NUP155: variants seen among roughly 807,000 people sequenced by gnomAD.
NUP155 encodes nuclear pore complex protein Nup155.
In NUP155, 71 loss-of-function variants were observed where a neutral mutation model predicts 180.4. That is an observed-to-expected ratio of 0.39 (90% CI 0.33 to 0.48). The LOEUF (loss-of-function observed/expected upper bound fraction) is 0.48. Ranked by LOEUF, NUP155 falls within the 20% of genes least tolerant of loss-of-function variation. The pLI is 0.91. For synonymous variants in NUP155, 582 were observed against 559.5 expected (o/e 1.04, Z -0.57); for missense variants, 1,553 against 1,648.9 (o/e 0.94, Z 1.01).
chr5:37,302,436 A>G (rs1742915139), intron 29 of NUP155, among the ~76,000 whole-genome samples: 1 of 152,150 alleles, frequency 6.6e-6, no homozygotes, highest in African/African-American at 2.4e-5. Flanking sequence ...AGGTTTCGCC[A>G]TATTGGCCAG....
intron 3 of NUP155, among the ~76,000 whole-genome samples, chr5:37,358,380 G>C (rs1331652972): frequency 6.6e-6 from 1 of 151,998 alleles, no homozygotes; most frequent in Non-Finnish European, 1.5e-5. Context: ...GATCGCAAAG[G>C]CCTGGGAGGT....
intron 9 of NUP155, among the ~76,000 whole-genome samples, chr5:37,346,675 AAC>A (rs1243377103): frequency 2.0e-5 from 3 of 151,568 alleles, no homozygotes; most frequent in African/African-American, 7.3e-5. Flanking sequence ...TTGTCTCGGA[AAC>A]AAAAAAAAAA....
At chr5:37,358,173 C>T (rs1746970484) in intron 3 of NUP155, 22 bp from the exon 4 acceptor site, 1 of 1,550,570 alleles carries the variant, frequency 6.4e-7, no homozygotes, top group Non-Finnish European at 8.9e-7. Context: ...TGAAGAAAAA[C>T]ATGTTACACA....
At chr5:37,348,863 C>T (rs1746277232) in intron 8 of NUP155, among the ~76,000 whole-genome samples, 1 of 151,904 alleles carries the variant, frequency 6.6e-6, no homozygotes, top group Admixed American at 6.6e-5. Flanking sequence ...TCAAATGATT[C>T]TCCTGCCTCA....
chr5:37,310,530 A>C (rs1292575959), intron 23 of NUP155, 22 bp downstream of exon 23: 1 of 1,580,184 alleles, frequency 6.3e-7, no homozygotes, highest in South Asian at 1.1e-5. Context: ...CAAACAATGA[A>C]ATAGGTAATA....
At chr5:37,358,022 A>G (rs1024585032) in intron 4 of NUP155, 59 bp downstream of exon 4, 1 of 1,170,978 alleles carries the variant, frequency 8.5e-7, no homozygotes, top group Non-Finnish European at 1.3e-6. Context: ...GTTCAGGTCT[A>G]TACCATTTGG....
At chr5:37,363,624 C>T (rs1169918850) in intron 3 of NUP155, among the ~76,000 whole-genome samples, 1 of 152,124 alleles carries the variant, frequency 6.6e-6, no homozygotes, top group African/African-American at 2.4e-5. Flanking sequence ...GCTTGGGACC[C>T]GGGCTCCTGC....
intron 30 of NUP155, among the ~76,000 whole-genome samples, chr5:37,300,777 C>A (rs1742818124): frequency 6.6e-6 from 1 of 151,882 alleles, no homozygotes; most frequent in Non-Finnish European, 1.5e-5. Context: ...CCACCTCAGA[C>A]TCCTGAGTAG....
intron 22 of NUP155, among the ~76,000 whole-genome samples, chr5:37,313,504 T>TGAGA (rs1554126192): frequency 1.5e-5 from 2 of 129,224 alleles, no homozygotes; most frequent in Admixed American, 8.0e-5. Flanking sequence ...TGTGTGTGTG[T>TGAGA]GAGAGAGACA....
At chr5:37,296,574 C>T (rs1742590944) in intron 32 of NUP155, among the ~76,000 whole-genome samples, 1 of 151,510 alleles carries the variant, frequency 6.6e-6, no homozygotes, top group Non-Finnish European at 1.5e-5. Context: ...GGGTCCTCTG[C>T]CTAGGAAAAC....
chr5:37,305,659 G>A (rs767614875), intron 25 of NUP155, among the ~76,000 whole-genome samples: 4 of 152,104 alleles, frequency 2.6e-5, no homozygotes, highest in Non-Finnish European at 4.4e-5. Flanking sequence ...TCCATCCTGG[G>A]TGACAGCAAG....
At position 37,328,419 on chromosome 5, in the gene NUP155, AC is replaced by A; in HGVS notation, c.1814del (p.Ser605IlefsTer45). ...AGGGACTACCACTAGGAACAGGAGA[AC>A]CTAAAAAGGGAAAGAAGAATATAAA... ...GPILGSPVYS[S>X]SPVPSGSPYP... On this transcript the variant is annotated frameshift_variant and splice_region_variant, in exon 17 of 35. Coordinates refer to ENST00000231498, the MANE Select transcript of NUP155 (RefSeq NM_153485.3). LOFTEE classifies it high-confidence loss of function. 6 of 1,593,954 alleles carry A rather than the reference AC, an allele frequency of 3.8e-6. No homozygotes were observed. Among genetic ancestry groups the A allele is most frequent in the Non-Finnish European group, 5.2e-6 (6 of 1,161,844 alleles).
chr5:37,358,163 T>G lies in NUP155; in HGVS notation c.393-12A>C. On this transcript the variant is annotated splice_polypyrimidine_tract_variant and intron_variant, in intron 3 of 34. Coordinates refer to ENST00000231498, the MANE Select transcript of NUP155 (RefSeq NM_153485.3). The stretch of plus-strand genomic sequence containing the variant: ...AGGCAAGGTCTCCTCTGTGAATAAA[T>G]GAAGAAAAACATGTTACACATATAA... The G allele has an allele frequency of 6.3e-7, 1 of 1,598,728 alleles. No homozygotes were observed. The highest frequency in any genetic ancestry group is 8.6e-7 in the Non-Finnish European group (1 of 1,166,272).
At chr5:37,328,469 C>T (rs1744751567) in intron 16 of NUP155, 49 bp from the exon 17 acceptor site, 3 of 1,327,620 alleles carry the variant, frequency 2.3e-6, no homozygotes, top group African/African-American at 2.9e-5. Flanking sequence ...ACATCTCAAT[C>T]TTTTGAATGT....
Position 37,348,906 on chromosome 5 carries a change from C to T in NUP155, c.903+266G>A, listed in dbSNP as rs184304620. ...AAGTAGCTGGGATTAAAGGCACATA[C>T]CACCACACCTGGCTAATTTTTGTAT... On this transcript the variant is annotated intron_variant, in intron 8 of 34. Coordinates refer to ENST00000231498, the MANE Select transcript of NUP155 (RefSeq NM_153485.3). Among the ~76,000 whole-genome samples, 479 of 152,108 alleles carry T rather than the reference C, an allele frequency of 3.1e-3. 1 individual carries two copies. The highest frequency in any genetic ancestry group is 0.011 in the African/African-American group (453 of 41,518).
intron 32 of NUP155, among the ~76,000 whole-genome samples, chr5:37,295,254 G>A (rs1280340588): frequency 6.6e-6 from 1 of 152,128 alleles, no homozygotes; most frequent in East Asian, 1.9e-4. Context: ...TTGCTGTGTT[G>A]GCCGGGCTGG....
intron 12 of NUP155, among the ~76,000 whole-genome samples, chr5:37,334,164 C>T (rs1163050943): frequency 5.9e-5 from 9 of 151,314 alleles, no homozygotes; most frequent in East Asian, 5.8e-4. Flanking sequence ...TGCGCTGGCA[C>T]GATCACAACT....
At position 37,289,916 on chromosome 5, in the gene NUP155, G is replaced by A. The variant is rs902423467; in HGVS notation, c.*1984C>T. The A allele has an allele frequency of 5.9e-5, 9 of 151,980 alleles. No individual in the cohort carries two copies. The highest frequency in any genetic ancestry group is 1.5e-4 in the African/African-American group (6 of 41,372). The allele number at this position is 151,980 out of a possible 1,614,324, so 9.4% of individuals were successfully genotyped here. On this transcript the variant is annotated 3_prime_UTR_variant, in exon 35 of 35. Transcript: ENST00000231498. ...CATTCACTTTACATATTCAAAAAAC[G>A]CTAAACTTAAGAAACTGAAAAGTTG...
chr5:37,302,954 T>C (rs1280762471), intron 28 of NUP155, 46 bp from the exon 29 acceptor site: 19 of 1,601,858 alleles, frequency 1.2e-5, no homozygotes, highest in Non-Finnish European at 1.5e-5. Context: ...TTCTTAAGGA[T>C]TGATGATACA....
Sources: allele counts gnomAD v4.1 joint callset (sites outside exome capture counted in the v4.1 genomes callset), GRCh38; gene constraint gnomAD v4.1.1; transcripts MANE v1.5; gene names NCBI Gene and HGNC (gene_info 2026-07-23, HGNC 2026-07-21).